The following FOXJ3 variants were observed in gnomAD, a reference collection of about 807,000 sequenced individuals.
The protein encoded by FOXJ3 is forkhead box protein J3.
In FOXJ3, 22 loss-of-function variants were observed where a neutral mutation model predicts 76.1. The ratio of observed to expected loss-of-function variants is 0.29; its 90% CI spans 0.21 to 0.41. FOXJ3 has a LOEUF of 0.41. Among genes scored for constraint, FOXJ3 ranks in the 10% least tolerant of loss-of-function variants. The probability of loss-of-function intolerance (pLI) is 1.00; values close to 1 mark genes in which losing one functional copy is unlikely to be tolerated. For synonymous variants in FOXJ3, 269 were observed against 261.2 expected (o/e 1.03, Z -0.29); for missense variants, 613 against 762.1 (o/e 0.80, Z 2.30).
intron 2 of FOXJ3, among the ~76,000 whole-genome samples, chr1:42,288,511 C>A (rs762875924): frequency 6.6e-5 from 10 of 152,120 alleles, no homozygotes; most frequent in Non-Finnish European, 7.4e-5. Flanking sequence ...TGGCAGAGGG[C>A]TAACACGGTG....
At chr1:42,317,606 A>C (rs886696139) in intron 1 of FOXJ3, among the ~76,000 whole-genome samples, 1 of 151,818 alleles carries the variant, frequency 6.6e-6, no homozygotes, top group African/African-American at 2.4e-5. Context: ...TTCAGTGTAG[A>C]TCAAGAAGGA....
Position 42,313,333 on chromosome 1 carries a change from G to A in FOXJ3, c.-17-2223C>T, listed in dbSNP as rs563016953. On this transcript the variant is annotated intron_variant, in intron 1 of 12. Coordinates refer to ENST00000361346, the MANE Select transcript of FOXJ3 (RefSeq NM_014947.5). ...GCCTAGGCAATAAGAGCAAAATTCC[G>A]TCTCAAAAAAAAAAAAAAAGCTTCA... 4.9e-5 allele frequency among the ~76,000 whole-genome samples: 7 copies of A among 144,288 alleles called. No individual in the cohort carries two copies. In the South Asian group the frequency reaches 1.3e-3, roughly 27 times the overall value. 94.7% of individuals were successfully genotyped at this position (144,288 alleles called of 152,430 possible). A position where few individuals can be genotyped will look rare whatever the true frequency, so the allele number is the denominator to read the frequency against.
At chr1:42,285,725 A>G (rs1372270714) in intron 2 of FOXJ3, among the ~76,000 whole-genome samples, 1 of 51,166 alleles carries the variant, frequency 2.0e-5, no homozygotes, top group African/African-American at 3.6e-5. Context: ...GAGCAGATTA[A>G]AAGGACTTAT....
chr1:42,181,939 G>A lies in FOXJ3; in HGVS notation c.1731C>T (p.Ser577=). ...PGYPHIPQAL[S]TPGTTMAGHH... Reference sequence around the variant, plus strand: ...TACCTGCCATCGTTGTTCCTGGAGTGCTGAGTGCCTGTGGGATATGAGGAT... The same window carrying A: ...TACCTGCCATCGTTGTTCCTGGAGTACTGAGTGCCTGTGGGATATGAGGAT... Residue 577 remains serine (S), a synonymous_variant, in exon 12 of 13, where the codon AGC becomes AGT. Coordinates refer to ENST00000361346, the MANE Select transcript of FOXJ3 (RefSeq NM_014947.5). 1 of 1,611,420 alleles carries A rather than the reference G, an allele frequency of 6.2e-7. No homozygotes were observed. The highest frequency in any genetic ancestry group is 8.5e-7 in the Non-Finnish European group (1 of 1,177,988).
At chr1:42,197,519 C>A (rs950626384) in intron 7 of FOXJ3, among the ~76,000 whole-genome samples, 12 of 152,046 alleles carry the variant, frequency 7.9e-5, no homozygotes, top group African/African-American at 2.9e-4. Flanking sequence ...AACCCCAACC[C>A]ACTAGGACAC....
Position 42,301,421 on chromosome 1 carries a change from C to T in FOXJ3, c.44+9629G>A, listed in dbSNP as rs150050592. Among the ~76,000 whole-genome samples, 1,088 of 152,058 alleles carry T rather than the reference C, an allele frequency of 7.2e-3. 22 individuals carry two copies. Among genetic ancestry groups the T allele is most frequent in the African/African-American group, 0.025 (1,050 of 41,472 alleles). On this transcript the variant is annotated intron_variant, in intron 2 of 12. Transcript: ENST00000361346. ...TTCACCATGTTGGCCAGGCTGGTCT[C>T]GAACTCCTGACCCTCAAGTGATCCA...
At chr1:42,227,230 G>C (rs990534973) in intron 5 of FOXJ3, among the ~76,000 whole-genome samples, 1 of 152,200 alleles carries the variant, frequency 6.6e-6, no homozygotes, top group Non-Finnish European at 1.5e-5. Flanking sequence ...AGAACAGTAA[G>C]GTAGGATGGA....
Position 42,179,776 on chromosome 1 carries a change from G to A in FOXJ3, c.1803C>T (p.Phe601=). 1 of 1,614,098 alleles carries A rather than the reference G, an allele frequency of 6.2e-7. No individual in the cohort carries two copies. Among genetic ancestry groups the A allele is most frequent in the African/African-American group, 1.3e-5 (1 of 75,036 alleles). The change falls in exon 13 of 13, where the codon TTC becomes TTT. Residue 601 remains phenylalanine (F), a synonymous_variant. Coordinates refer to ENST00000361346, the MANE Select transcript of FOXJ3 (RefSeq NM_014947.5). The part of the protein sequence containing the change: ...NQQHMMPSQA[F]QMRRSLPPDD... Reference sequence around the variant, plus strand: ...CTGGAGGCAGGGAACGCCGCATCTGGAAGGCTTGGGAAGGCATCATGTGCT... The same window carrying A: ...CTGGAGGCAGGGAACGCCGCATCTGAAAGGCTTGGGAAGGCATCATGTGCT...
At chr1:42,288,442 C>A (rs369502089) in intron 2 of FOXJ3, among the ~76,000 whole-genome samples, 1 of 152,202 alleles carries the variant, frequency 6.6e-6, no homozygotes, top group Non-Finnish European at 1.5e-5. Context: ...ATTCTTTCAT[C>A]AGTTTTTTTC....
rs144446309 is a variant in FOXJ3 at position 42,183,708 on chromosome 1, A to G, written c.1646-1684T>C. On this transcript the variant is annotated intron_variant, in intron 11 of 12. Coordinates refer to ENST00000361346, the MANE Select transcript of FOXJ3 (RefSeq NM_014947.5). ...CATTTTCCCAGAGGAAACTAAAAAG[A>G]GTAGAAAAAATCTTCCACTTCTATT... 9.7e-3 allele frequency among the ~76,000 whole-genome samples: 1,475 copies of G among 152,206 alleles called. 10 individuals carry two copies. The highest frequency in any genetic ancestry group is 0.024 in the Middle Eastern group (7 of 294).
At chr1:42,270,608 G>A (rs571154853) in intron 3 of FOXJ3, among the ~76,000 whole-genome samples, 1 of 152,294 alleles carries the variant, frequency 6.6e-6, no homozygotes, top group African/African-American at 2.4e-5. Context: ...AGAAGTTGGT[G>A]AAGTGGAGAG....
intron 1 of FOXJ3, among the ~76,000 whole-genome samples, chr1:42,324,294 A>ATT (rs1177784015): frequency 6.9e-6 from 1 of 143,930 alleles, no homozygotes; most frequent in African/African-American, 2.6e-5. Flanking sequence ...ATACACATAT[A>ATT]TTATATATAT....
chr1:42,192,253 G>C (rs1015024175), intron 8 of FOXJ3, among the ~76,000 whole-genome samples: 19 of 152,202 alleles, frequency 1.2e-4, no homozygotes, highest in Non-Finnish European at 2.6e-4. Context: ...AGGAAAAGAG[G>C]AAGTTGTTTA....
At chr1:42,208,174 C>T (rs1322710028) in intron 5 of FOXJ3, among the ~76,000 whole-genome samples, 3 of 152,194 alleles carry the variant, frequency 2.0e-5, no homozygotes, top group Non-Finnish European at 2.9e-5. Context: ...TCATGTAAAG[C>T]GCTTAGCATG....
At chr1:42,200,860 TC>T (rs1255202547) in intron 6 of FOXJ3, among the ~76,000 whole-genome samples, 1 of 152,072 alleles carries the variant, frequency 6.6e-6, no homozygotes, top group Non-Finnish European at 1.5e-5. Context: ...TCTACCCACC[TC>T]CTCTCTCCCA....
At chr1:42,299,735 C>T (rs982483300) in intron 2 of FOXJ3, among the ~76,000 whole-genome samples, 1 of 151,696 alleles carries the variant, frequency 6.6e-6, no homozygotes, top group African/African-American at 2.4e-5. Flanking sequence ...GGCAAAACCT[C>T]ATCTCTACTA....
chr1:42,200,694 G>A (rs1232481990), intron 6 of FOXJ3, among the ~76,000 whole-genome samples: 1 of 152,056 alleles, frequency 6.6e-6, no homozygotes. Flanking sequence ...TGGTCATGCT[G>A]GTCTCGAACT....
At chr1:42,182,109 C>T in intron 11 of FOXJ3, 85 bp from the exon 12 acceptor site, 1 of 712,970 alleles carries the variant, frequency 1.4e-6, no homozygotes, top group Non-Finnish European at 2.4e-6. Context: ...AGAATTGTTA[C>T]TCTGAAAGTA....
intron 2 of FOXJ3, among the ~76,000 whole-genome samples, chr1:42,301,443 T>C (rs1030058359): frequency 6.6e-6 from 1 of 152,092 alleles, no homozygotes; most frequent in Non-Finnish European, 1.5e-5. Context: ...CCTCAAGTGA[T>C]CCACCCGCCT....
Sources: allele counts gnomAD v4.1 joint callset (sites outside exome capture counted in the v4.1 genomes callset), GRCh38; gene constraint gnomAD v4.1.1; transcripts MANE v1.5; gene names NCBI Gene and HGNC (gene_info 2026-07-23, HGNC 2026-07-21).